Variants in ATP8B1 observed in about 807,000 individuals in gnomAD.
ATP8B1 encodes phospholipid-transporting ATPase IC.
Under a neutral mutation model 149.9 loss-of-function variants are expected in ATP8B1, and 80 were observed. The observed-to-expected ratio is 0.53, with a 90% CI of 0.45 to 0.64. ATP8B1 has a LOEUF of 0.64. Ranked by LOEUF, ATP8B1 falls within the 30% of genes least tolerant of loss-of-function variation. ATP8B1 has a pLI of 0.00. For synonymous variants in ATP8B1, 536 were observed against 562.8 expected (o/e 0.95, Z 0.67); for missense variants, 1,247 against 1,552.6 (o/e 0.80, Z 3.31).
intron 1 of ATP8B1, among the ~76,000 whole-genome samples, chr18:57,780,442 T>G (rs540087792): frequency 6.6e-6 from 1 of 152,318 alleles, no homozygotes; most frequent in South Asian, 2.1e-4. Context: ...ATTAACAGCT[T>G]CAGGAATTTC....
chr18:57,699,418 T>C (rs974543744), intron 6 of ATP8B1, among the ~76,000 whole-genome samples: 19 of 152,196 alleles, frequency 1.2e-4, no homozygotes, highest in Non-Finnish European at 2.4e-4. Context: ...CCAATGAGCC[T>C]AGCAGAGGAG....
chr18:57,654,153 CTTTA>C, intron 23 of ATP8B1, 78 bp from the exon 24 acceptor site: 3 of 1,226,794 alleles, frequency 2.4e-6, no homozygotes, highest in African/African-American at 1.5e-5. Flanking sequence ...CATCTGCTTC[CTTTA>C]TTTAACATTT....
chr18:57,776,791 G>A (rs2080309164), intron 1 of ATP8B1, among the ~76,000 whole-genome samples: 1 of 151,938 alleles, frequency 6.6e-6, no homozygotes, highest in African/African-American at 2.4e-5. Context: ...TGGAACAACT[G>A]TCTAGGACAT....
intron 2 of ATP8B1, among the ~76,000 whole-genome samples, chr18:57,721,534 C>A (rs1213496259): frequency 6.6e-6 from 1 of 152,096 alleles, no homozygotes; most frequent in Admixed American, 6.6e-5. Flanking sequence ...ATCAATTCGA[C>A]AAGAAGAGCT....
chr18:57,669,306 G>T lies in ATP8B1; in HGVS notation c.2097+12C>A, dbSNP rs764793545. 1 of 1,591,492 alleles carries T rather than the reference G, an allele frequency of 6.3e-7. No homozygotes were observed. The highest frequency in any genetic ancestry group is 8.5e-7 in the Non-Finnish European group (1 of 1,171,492). On this transcript the variant is annotated intron_variant, in intron 18 of 27. Coordinates refer to ENST00000648908, the MANE Select transcript of ATP8B1 (RefSeq NM_001374385.1). ...GAATATCAAAGAAAAAGTTATTAAG[G>T]CTAAAACTCACAATTAAGTCTTTTT...
chr18:57,650,293 C>G, intron 27 of ATP8B1, 74 bp downstream of exon 27: 1 of 1,567,696 alleles, frequency 6.4e-7, no homozygotes, highest in Non-Finnish European at 8.7e-7. Context: ...TAGAATTTTG[C>G]AGGAAACGTG....
At chr18:57,741,850 G>C (rs187729589) in intron 1 of ATP8B1, among the ~76,000 whole-genome samples, 1 of 152,254 alleles carries the variant, frequency 6.6e-6, no homozygotes, top group Admixed American at 6.5e-5. Flanking sequence ...GCCACACCCT[G>C]TTTGGAGTCT....
chr18:57,716,418 A>T (rs990535568), intron 2 of ATP8B1, among the ~76,000 whole-genome samples: 9 of 145,158 alleles, frequency 6.2e-5, no homozygotes, highest in East Asian at 4.0e-4. Flanking sequence ...GAATAGATTT[A>T]AAAAAAAAAA....
intron 15 of ATP8B1, among the ~76,000 whole-genome samples, chr18:57,680,744 C>T (rs1247990932): frequency 6.6e-6 from 1 of 151,912 alleles, no homozygotes; most frequent in Non-Finnish European, 1.5e-5. Flanking sequence ...TTATCCTTCC[C>T]AAAGACCCCA....
intron 1 of ATP8B1, among the ~76,000 whole-genome samples, chr18:57,743,667 G>A (rs1005277222): frequency 6.6e-6 from 1 of 152,168 alleles, no homozygotes; most frequent in African/African-American, 2.4e-5. Flanking sequence ...CAGCACCGGC[G>A]CAGGTGGGAG....
chr18:57,666,871 A>C (rs951911059), intron 20 of ATP8B1, among the ~76,000 whole-genome samples: 1 of 152,164 alleles, frequency 6.6e-6, no homozygotes, highest in Non-Finnish European at 1.5e-5. Flanking sequence ...TGGCCTCTGA[A>C]GGGCCCCAAG....
intron 1 of ATP8B1, among the ~76,000 whole-genome samples, chr18:57,738,519 G>A (rs2123192589): frequency 6.6e-6 from 1 of 152,220 alleles, no homozygotes; most frequent in Admixed American, 6.5e-5. Context: ...CAGCTATTCG[G>A]GAGGCTGAGG....
rs1568189345 is a variant in ATP8B1, at chr18:57,672,920, ATATATATAT to A, written c.1820-1349_1820-1341del. Among the ~76,000 whole-genome samples, 7 of 57,438 alleles carry A rather than the reference ATATATATAT, an allele frequency of 1.2e-4. 1 individual carries two copies. The highest frequency in any genetic ancestry group is 5.0e-4 in the African/African-American group (7 of 13,870). 37.7% of individuals were successfully genotyped at this position (57,438 alleles called of 152,430 possible). A position where few individuals can be genotyped will look rare whatever the true frequency, so the allele number is the denominator to read the frequency against. The stretch of plus-strand genomic sequence containing the variant: ...TATATATATATATATATATATATAT[ATATATATAT>A]ATAACATGTATATACACATATATAC... On this transcript the variant is annotated intron_variant, in intron 16 of 27. Coordinates refer to ENST00000648908, the MANE Select transcript of ATP8B1 (RefSeq NM_001374385.1).
intron 20 of ATP8B1, among the ~76,000 whole-genome samples, chr18:57,663,755 T>C (rs1202712324): frequency 6.8e-6 from 1 of 147,604 alleles, no homozygotes; most frequent in Non-Finnish European, 1.5e-5. Flanking sequence ...TCAAAGTGCT[T>C]TGCCCATTTT....
intron 1 of ATP8B1, among the ~76,000 whole-genome samples, chr18:57,762,116 C>A (rs187660108): frequency 2.6e-3 from 318 of 124,538 alleles, no homozygotes; most frequent in African/African-American, 8.8e-3. Context: ...ATGAGATACA[C>A]ACACACACAC....
chr18:57,739,392 C>A (rs1012556905), intron 1 of ATP8B1, among the ~76,000 whole-genome samples: 3 of 152,160 alleles, frequency 2.0e-5, no homozygotes, highest in African/African-American at 7.2e-5. Context: ...CACTGGCCCC[C>A]TTGAGCACCT....
intron 3 of ATP8B1, 126 bp from the exon 4 acceptor site, chr18:57,704,794 A>T: frequency 1.4e-6 from 1 of 728,250 alleles, no homozygotes; most frequent in Non-Finnish European, 2.4e-6. Context: ...AAAGATATTG[A>T]GGATTTTGTC....
intron 1 of ATP8B1, among the ~76,000 whole-genome samples, chr18:57,756,192 C>CATATATATAT (rs147263393): frequency 2.4e-4 from 20 of 84,742 alleles, no homozygotes; most frequent in African/African-American, 3.6e-4. Context: ...ATTTCCACAA[C>CATATATATAT]ATATATATAT....
intron 18 of ATP8B1, chr18:57,668,797 G>A: frequency 4.6e-6 from 2 of 435,324 alleles, no homozygotes; most frequent in Non-Finnish European, 8.1e-6. Flanking sequence ...ACAAAATCAA[G>A]GATGTTAAAA....
Sources: gnomAD v4.1 joint callset for allele counts (sites outside exome capture counted in the v4.1 genomes callset) on GRCh38, gnomAD v4.1.1 for gene constraint, MANE v1.5 for transcripts, NCBI Gene and HGNC (gene_info 2026-07-23, HGNC 2026-07-21) for gene names.